ZSCAN10: variants seen among roughly 807,000 people sequenced by gnomAD.
ZSCAN10 encodes zinc finger and SCAN domain containing 10.
A neutral mutation model predicts 63.7 loss-of-function variants in ZSCAN10; 52 were observed. That is an observed-to-expected ratio of 0.82 (90% CI 0.65 to 1.03). The LOEUF is 1.03. ZSCAN10 is among the 50% of genes least tolerant of loss of function. The probability of loss-of-function intolerance (pLI) is 0.00; values close to 1 mark genes in which losing one functional copy is unlikely to be tolerated. For missense variants in ZSCAN10, 1,223 were observed against 1,103.8 expected (o/e 1.11, Z -1.53); for synonymous variants, 544 against 479.6 (o/e 1.13, Z -1.76).
rs1253766572 is a variant in ZSCAN10, at chr16:3,092,193, C to T, written c.520G>A (p.Val174Met). 1 of 1,612,822 alleles carries T rather than the reference C, an allele frequency of 6.2e-7. No individual in the cohort carries two copies. Among genetic ancestry groups the T allele is most frequent in the Non-Finnish European group, 8.5e-7 (1 of 1,180,024 alleles). Residue 174 changes from valine (V) to methionine (M), a missense_variant, in exon 3 of 6, where the codon GTG becomes ATG. Val to Met is a conservative substitution (Grantham distance 21, BLOSUM62 1). Coordinates refer to ENST00000576985, the MANE Select transcript of ZSCAN10 (RefSeq NM_032805.3). ...KKELPAEEPSVLGPSDEPPRP... is the reference protein window; with the variant it reads ...KKELPAEEPSMLGPSDEPPRP... ...GGAGGCTCATCCGATGGGCCCAGCA[C>T]TGAAGGCTCTTCCGCAGGCAATTCC...
At chr16:3,098,785 C>A (rs1957187138) in intron 1 of ZSCAN10, among the ~76,000 whole-genome samples, 1 of 152,226 alleles carries the variant, frequency 6.6e-6, no homozygotes, top group African/African-American at 2.4e-5. Flanking sequence ...ACCTGAGAGC[C>A]CAGAGTTGGG....
chr16:3,093,170 C>G, intron 1 of ZSCAN10, 166 bp from the exon 2 acceptor site: 1 of 416,600 alleles, frequency 2.4e-6, no homozygotes, highest in Non-Finnish European at 4.1e-6. Flanking sequence ...GGGTTACCAA[C>G]AAAGCAAAGG....
chr16:3,092,042 T>C lies in ZSCAN10; in HGVS notation c.664+7A>G. On this transcript the variant is annotated splice_region_variant and intron_variant, in intron 3 of 5. Transcript: ENST00000576985. The stretch of plus-strand genomic sequence containing the variant: ...GTCCTTGGCCTCCTAGGGCACAAGC[T>C]CCTCACTGCTTTCTTGCAGGGCCTG... 1 of 1,552,822 alleles carries C rather than the reference T, an allele frequency of 6.4e-7. No individual in the cohort carries two copies. The highest frequency in any genetic ancestry group is 8.7e-7 in the Non-Finnish European group (1 of 1,149,336).
chr16:3,098,265 A>G (rs1196021766), intron 1 of ZSCAN10, among the ~76,000 whole-genome samples: 1 of 152,058 alleles, frequency 6.6e-6, no homozygotes. Context: ...CAGCCCACGC[A>G]CGAAACAATC....
In ZSCAN10 at chr16:3,088,929, A is replaced by G; in HGVS notation, c.*162T>C. 5 of 1,319,010 alleles carry G rather than the reference A, an allele frequency of 3.8e-6. No homozygotes were observed. Among genetic ancestry groups the G allele is most frequent in the Non-Finnish European group, 3.9e-6 (4 of 1,027,790 alleles). 81.7% of individuals were successfully genotyped at this position (1,319,010 alleles called of 1,614,324 possible). ...ATTTTACTTCGGGCGTTTTAATTACATAGCTGAGGCCAGAAAGCAATGCCT... is the reference window on the plus strand; with the variant it reads ...ATTTTACTTCGGGCGTTTTAATTACGTAGCTGAGGCCAGAAAGCAATGCCT... On this transcript the variant is annotated 3_prime_UTR_variant, in exon 6 of 6. Coordinates refer to ENST00000576985, the MANE Select transcript of ZSCAN10 (RefSeq NM_032805.3).
rs961108365 is a variant in ZSCAN10, at chr16:3,092,603, C to G, written c.335G>C (p.Gly112Ala). 2.5e-6 allele frequency: 4 copies of G among 1,600,142 alleles called. No individual in the cohort carries two copies. Among genetic ancestry groups the G allele is most frequent in the Non-Finnish European group, 3.4e-6 (4 of 1,174,126 alleles). ...GRLQGQPLRD[G>A]EEVVLLLEGI... Reference sequence around the variant, plus strand: ...CTCGAGCAGCAGCACCACCTCCTCCCCATCCCTGAGCGGCTGCCCCTGCAG... The same window carrying G: ...CTCGAGCAGCAGCACCACCTCCTCCGCATCCCTGAGCGGCTGCCCCTGCAG... Residue 112 changes from glycine to alanine, a missense_variant, in exon 2 of 6, where the codon GGG becomes GCG. Coordinates refer to ENST00000576985, the MANE Select transcript of ZSCAN10 (RefSeq NM_032805.3).
chr16:3,094,827 T>C (rs538053505), intron 1 of ZSCAN10, among the ~76,000 whole-genome samples: 2 of 151,642 alleles, frequency 1.3e-5, no homozygotes, highest in Admixed American at 6.6e-5. Context: ...TGAACCTAGA[T>C]TGGATCCTCA....
Position 3,092,167 on chromosome 16 carries a change from G to A in ZSCAN10, c.546C>T (p.Pro182=). 1 of 1,613,202 alleles carries A rather than the reference G, an allele frequency of 6.2e-7. No individual in the cohort carries two copies. The highest frequency in any genetic ancestry group is 8.5e-7 in the Non-Finnish European group (1 of 1,179,960). The stretch of plus-strand genomic sequence containing the variant: ...GCTGGGCAGCCCTTGGCTGGGGTCG[G>A]GGAGGCTCATCCGATGGGCCCAGCA... The part of the protein sequence containing the change: ...PSVLGPSDEP[P]RPQPRAAQPA... The change falls in exon 3 of 6, where the codon CCC becomes CCT. Residue 182 remains proline (P), a synonymous_variant. Transcript: ENST00000576985.
rs987144881 is a variant in ZSCAN10, at chr16:3,089,333, G to A, written c.2101C>T (p.Arg701Cys). The A allele has an allele frequency of 4.4e-6, 7 of 1,587,286 alleles. No individual in the cohort carries two copies. Among genetic ancestry groups the A allele is most frequent in the Non-Finnish European group, 5.1e-6 (6 of 1,172,792 alleles). ...SCQTCGRSFRRNAHLRRHLAT... is the reference protein window; with the variant it reads ...SCQTCGRSFRCNAHLRRHLAT... ...AGGTGCCGCCGCAGATGCGCGTTGC[G>A]CCGGAAGCTGCGACCGCACGTCTGA... The change falls in exon 6 of 6, where the codon CGC becomes TGC. Residue 701 changes from arginine to cysteine, a missense_variant. Transcript: ENST00000576985.
At chr16:3,096,941 A>G (rs1957160503) in intron 1 of ZSCAN10, among the ~76,000 whole-genome samples, 1 of 151,676 alleles carries the variant, frequency 6.6e-6, no homozygotes, top group Non-Finnish European at 1.5e-5. Flanking sequence ...AAAAAAAAAA[A>G]AAAAAATTAT....
Position 3,089,681 on chromosome 16 carries a change from T to C in ZSCAN10, c.1753A>G (p.Lys585Glu). 1.2e-6 allele frequency: 2 copies of C among 1,600,100 alleles called. No homozygotes were observed. The highest frequency in any genetic ancestry group is 1.7e-6 in the Non-Finnish European group (2 of 1,175,024). ...AGGCTGGCCCGGCGCACAAAGCGCT[T>C]CCCGCACTGCGGACAGGCGTAGGGC... Reference protein sequence around the residue: ...EKPYACPQCGKRFVRRASLAR... With the variant: ...EKPYACPQCGERFVRRASLAR... The change falls in exon 6 of 6, where the codon AAG becomes GAG. Residue 585 changes from lysine to glutamate, a missense_variant. By Grantham distance (56) the Lys-to-Glu change is moderately conservative. Coordinates refer to ENST00000576985, the MANE Select transcript of ZSCAN10 (RefSeq NM_032805.3).
In ZSCAN10 at chr16:3,090,384, C is replaced by A. The variant is rs773862495; in HGVS notation, c.1050G>T (p.Ala350=). 10 of 1,613,376 alleles carry A rather than the reference C, an allele frequency of 6.2e-6. No homozygotes were observed. The Admixed American group carries it at 1.2e-4, about 19-fold the overall frequency. The change falls in exon 6 of 6, where the codon GCG becomes GCT. Residue 350 remains alanine (A), a synonymous_variant. Coordinates refer to ENST00000576985, the MANE Select transcript of ZSCAN10 (RefSeq NM_032805.3). ...EPNPELQFIC[A]DCGVSFPQLS... Reference sequence around the variant, plus strand: ...GCTGCGGGAAGCTCACCCCGCAGTCCGCGCAGATGAACTGCAACTCCGGAT... The same window carrying A: ...GCTGCGGGAAGCTCACCCCGCAGTCAGCGCAGATGAACTGCAACTCCGGAT...
chr16:3,096,044 C>T (rs947742944), intron 1 of ZSCAN10, among the ~76,000 whole-genome samples: 1 of 152,126 alleles, frequency 6.6e-6, no homozygotes, highest in African/African-American at 2.4e-5. Context: ...CACCAGGAGG[C>T]ACTGACATCC....
Position 3,092,120 on chromosome 16 carries a change from C to T in ZSCAN10, c.593G>A (p.Arg198Lys). 2 of 1,610,500 alleles carry T rather than the reference C, an allele frequency of 1.2e-6. No individual in the cohort carries two copies. Among genetic ancestry groups the T allele is most frequent in the Non-Finnish European group, 8.5e-7 (1 of 1,178,020 alleles). ...AAQPAEPGQWRLPPSSKQPLS... is the reference protein window; with the variant it reads ...AAQPAEPGQWKLPPSSKQPLS... The stretch of plus-strand genomic sequence containing the variant: ...CGGCTGCTTTGAACTTGGGGGAAGC[C>T]TCCACTGTCCCGGCTCAGCAGGCTG... The change falls in exon 3 of 6, where the codon AGG becomes AAG. Residue 198 changes from arginine (R) to lysine (K), a missense_variant. By Grantham distance (26) the Arg-to-Lys change is conservative (BLOSUM62 2). Transcript: ENST00000576985.
intron 5 of ZSCAN10, among the ~76,000 whole-genome samples, chr16:3,090,890 CAAAAAAA>C (rs398058044): frequency 6.3e-5 from 4 of 63,758 alleles, no homozygotes; most frequent in Non-Finnish European, 1.1e-4. Context: ...CCCGTCTCTA[CAAAAAAA>C]AAAAAAAAAA....
chr16:3,094,445 C>T (rs985814049), intron 1 of ZSCAN10, among the ~76,000 whole-genome samples: 7 of 152,270 alleles, frequency 4.6e-5, no homozygotes, highest in Middle Eastern at 3.4e-3. Context: ...TCGCGGGTTC[C>T]GGTGATTCTC....
chr16:3,094,889 G>C (rs1371311596), intron 1 of ZSCAN10, among the ~76,000 whole-genome samples: 1 of 150,606 alleles, frequency 6.6e-6, no homozygotes, highest in Non-Finnish European at 1.5e-5. Flanking sequence ...TCGGAAAATG[G>C]TGAGTATGGT....
Position 3,095,204 on chromosome 16 carries a change from G to A in ZSCAN10, c.-67-2200C>T, listed in dbSNP as rs1288128142. On this transcript the variant is annotated intron_variant, in intron 1 of 5. Coordinates refer to ENST00000576985, the MANE Select transcript of ZSCAN10 (RefSeq NM_032805.3). Reference sequence around the variant, plus strand: ...AGACCAGCCCTGGGCAACATGGCACGACCCCCGTCTCTAAAAAAATTAAAA... The same window carrying A: ...AGACCAGCCCTGGGCAACATGGCACAACCCCCGTCTCTAAAAAAATTAAAA... Among the ~76,000 whole-genome samples, 4 of 150,872 alleles carry A rather than the reference G, an allele frequency of 2.7e-5. No individual in the cohort carries two copies. The East Asian group carries it at 7.9e-4, about 30-fold the overall frequency.
In ZSCAN10 at chr16:3,092,953, T is replaced by C; in HGVS notation, c.-16A>G. 7.1e-7 allele frequency: 1 copy of C among 1,413,046 alleles called. No homozygotes were observed. Among genetic ancestry groups the C allele is most frequent in the Non-Finnish European group, 9.2e-7 (1 of 1,086,074 alleles). 87.5% of individuals were successfully genotyped at this position (1,413,046 alleles called of 1,614,324 possible). On this transcript the variant is annotated 5_prime_UTR_variant, in exon 2 of 6. Transcript: ENST00000576985. ...CTCCAAGCATCCTTCACTGCGGGGA[T>C]GCCTCCCTAACGCCAGCCCCGCTCT...
Sources: gnomAD v4.1 joint callset for allele counts (sites outside exome capture counted in the v4.1 genomes callset) on GRCh38, gnomAD v4.1.1 for gene constraint, MANE v1.5 for transcripts, NCBI Gene and HGNC (gene_info 2026-07-23, HGNC 2026-07-21) for gene names.